HS6ST1: variants seen among roughly 807,000 people sequenced by gnomAD.
The protein encoded by HS6ST1 is heparan sulfate 6-O-sulfotransferase 1.
A neutral mutation model predicts 25.2 loss-of-function variants in HS6ST1; 3 were observed. The observed-to-expected ratio is 0.12, with a 90% CI of 0.05 to 0.31. HS6ST1 has a LOEUF of 0.31. HS6ST1 is among the 10% of genes least tolerant of loss of function. The pLI is 1.00. For missense variants in HS6ST1, 310 were observed against 609.6 expected (o/e 0.51, Z 5.18); for synonymous variants, 204 against 275.1 (o/e 0.74, Z 2.56).
chr2:128,291,399 C>A (rs186280030), intron 1 of HS6ST1, among the ~76,000 whole-genome samples: 29 of 152,346 alleles, frequency 1.9e-4, no homozygotes, highest in South Asian at 1.0e-3. Context: ...AGGTTTGGGG[C>A]GGCCATGGCA....
intron 1 of HS6ST1, among the ~76,000 whole-genome samples, chr2:128,270,570 G>A (rs2104910242): frequency 6.6e-6 from 1 of 152,350 alleles, no homozygotes; most frequent in African/African-American, 2.4e-5. Context: ...GGGCCAGGGA[G>A]TAAGGGCCCG....
At chr2:128,316,976 G>A (rs929150202) in intron 1 of HS6ST1, among the ~76,000 whole-genome samples, 4 of 152,142 alleles carry the variant, frequency 2.6e-5, no homozygotes, top group African/African-American at 9.7e-5. Context: ...CCACCAGCCT[G>A]TCTGCAAATT....
At chr2:128,301,473 A>G (rs1435424809) in intron 1 of HS6ST1, among the ~76,000 whole-genome samples, 3 of 152,234 alleles carry the variant, frequency 2.0e-5, no homozygotes, top group Non-Finnish European at 4.4e-5. Flanking sequence ...AGGATGGAAG[A>G]GCAGCCCAGC....
In HS6ST1 at chr2:128,318,687, C is replaced by G. The variant is rs1020085573; in HGVS notation, c.-124G>C. The G allele has an allele frequency of 1.8e-5, 3 of 162,584 alleles. No individual in the cohort carries two copies. The highest frequency in any genetic ancestry group is 7.3e-5 in the African/African-American group (3 of 40,844). 10.1% of individuals were successfully genotyped at this position (162,584 alleles called of 1,614,324 possible). A position where few individuals can be genotyped will look rare whatever the true frequency, so the allele number is the denominator to read the frequency against. On this transcript the variant is annotated 5_prime_UTR_variant, in exon 1 of 2. Transcript: ENST00000259241. The surrounding 1 kb of genome is among the most constrained non-coding windows in gnomAD (Gnocchi z 5.7). ...CCCGGCTACTCGGCGCCCAGGCCGC[C>G]CGCAGCGGCGCGGGCCCCGACCCTC...
intron 1 of HS6ST1, among the ~76,000 whole-genome samples, chr2:128,311,359 G>C (rs1381553563): frequency 6.6e-6 from 1 of 152,212 alleles, no homozygotes; most frequent in East Asian, 1.9e-4. Flanking sequence ...TGCCCGAAAA[G>C]TGCTGGCAGG....
intron 1 of HS6ST1, among the ~76,000 whole-genome samples, chr2:128,287,609 G>T (rs563473991): frequency 6.6e-6 from 1 of 152,240 alleles, no homozygotes; most frequent in East Asian, 1.9e-4. Flanking sequence ...AGCTAGAGAC[G>T]CCGGGTCCAG....
intron 1 of HS6ST1, among the ~76,000 whole-genome samples, chr2:128,283,179 C>G (rs557610621): frequency 1.3e-5 from 2 of 152,238 alleles, no homozygotes; most frequent in Non-Finnish European, 2.9e-5. Context: ...CTCCCCAACA[C>G]AGTGCTGGGG....
intron 1 of HS6ST1, among the ~76,000 whole-genome samples, chr2:128,278,089 G>A (rs1382888243): frequency 1.3e-5 from 2 of 152,254 alleles, no homozygotes; most frequent in Admixed American, 1.3e-4. Context: ...GCACCCCAGG[G>A]AAAATCCTGC....
intron 1 of HS6ST1, among the ~76,000 whole-genome samples, chr2:128,287,072 C>T (rs775999943): frequency 6.6e-6 from 1 of 152,204 alleles, no homozygotes; most frequent in Non-Finnish European, 1.5e-5. Flanking sequence ...TCTCATTGCG[C>T]CCTGACAAGG....
At chr2:128,301,306 G>A (rs865910315) in intron 1 of HS6ST1, among the ~76,000 whole-genome samples, 1 of 152,120 alleles carries the variant, frequency 6.6e-6, no homozygotes, top group Non-Finnish European at 1.5e-5. Flanking sequence ...AGATCCCCAG[G>A]GGCTGCATGG....
At chr2:128,290,311 A>G (rs1464948023) in intron 1 of HS6ST1, 2 of 152,214 alleles carry the variant, frequency 1.3e-5, no homozygotes, top group Non-Finnish European at 2.9e-5. Context: ...CCTCCTAGAC[A>G]AGAGTAAAGC....
intron 1 of HS6ST1, among the ~76,000 whole-genome samples, chr2:128,269,646 G>T (rs889239489): frequency 6.6e-6 from 1 of 152,336 alleles, no homozygotes; most frequent in South Asian, 2.1e-4. Flanking sequence ...GTGTGTGTGT[G>T]GGCTCAGCCC....
chr2:128,288,007 G>C (rs1324704865), intron 1 of HS6ST1, among the ~76,000 whole-genome samples: 3 of 143,530 alleles, frequency 2.1e-5, no homozygotes, highest in Non-Finnish European at 4.5e-5. Context: ...TCATACCTTG[G>C]GGTCAGGAGA....
At chr2:128,275,910 G>T (rs1693687577) in intron 1 of HS6ST1, among the ~76,000 whole-genome samples, 1 of 152,156 alleles carries the variant, frequency 6.6e-6, no homozygotes, top group Non-Finnish European at 1.5e-5. Flanking sequence ...TGGTAACAGT[G>T]CCAAATGCCC....
rs528875004 is a variant in HS6ST1 at position 128,295,153 on chromosome 2, C to T, written c.527+22884G>A. On this transcript the variant is annotated intron_variant, in intron 1 of 1. Transcript: ENST00000259241. ...TGTCCTGAAGGGCTACTGTGAACACCGTGAGATGTTGCCGGCTGATGGCAC... is the reference window on the plus strand; with the variant it reads ...TGTCCTGAAGGGCTACTGTGAACACTGTGAGATGTTGCCGGCTGATGGCAC... Among the ~76,000 whole-genome samples the T allele has an allele frequency of 5.3e-5, 8 of 152,338 alleles. No individual in the cohort carries two copies. The South Asian group carries it at 1.0e-3, about 20-fold the overall frequency.
At chr2:128,275,738 C>T (rs749523995) in intron 1 of HS6ST1, among the ~76,000 whole-genome samples, 11 of 152,206 alleles carry the variant, frequency 7.2e-5, no homozygotes, top group South Asian at 2.1e-4. Flanking sequence ...GATCTGCTTA[C>T]GGATGTGAAC....
chr2:128,286,877 A>T (rs1368647259), intron 1 of HS6ST1, among the ~76,000 whole-genome samples: 1 of 152,112 alleles, frequency 6.6e-6, no homozygotes, highest in Non-Finnish European at 1.5e-5. Flanking sequence ...TAGAGAAACC[A>T]AGGCCCCACC....
At chr2:128,293,985 C>T (rs1372637092) in intron 1 of HS6ST1, among the ~76,000 whole-genome samples, 6 of 152,186 alleles carry the variant, frequency 3.9e-5, no homozygotes, top group Non-Finnish European at 7.4e-5. Flanking sequence ...GACCACGCTG[C>T]AGGGACACAG....
chr2:128,277,401 G>A (rs1693711785), intron 1 of HS6ST1, among the ~76,000 whole-genome samples: 1 of 152,194 alleles, frequency 6.6e-6, no homozygotes, highest in South Asian at 2.1e-4. Flanking sequence ...CCCCTGAATG[G>A]GGCACACACT....
Sources: gnomAD v4.1 joint callset for allele counts (sites outside exome capture counted in the v4.1 genomes callset) on GRCh38, gnomAD v4.1.1 for gene constraint, Gnocchi (gnomAD v3.1) non-coding constraint, MANE v1.5 for transcripts, NCBI Gene and HGNC (gene_info 2026-07-23, HGNC 2026-07-21) for gene names.